Variants in LEMD1 observed in about 807,000 individuals in gnomAD.
LEMD1 encodes LEM domain-containing protein 1.
Under a neutral mutation model 17.4 loss-of-function variants are expected in LEMD1, and 18 were observed. The observed-to-expected ratio is 1.04, with a 90% CI of 0.72 to 1.54. The LOEUF (loss-of-function observed/expected upper bound fraction) is 1.54. Ranked by LOEUF, LEMD1 falls within the 40% of genes most tolerant of loss-of-function variation. LEMD1 has a pLI of 0.00. For missense variants in LEMD1, 195 were observed against 210.4 expected (o/e 0.93, Z 0.45); for synonymous variants, 88 against 77.8 (o/e 1.13, Z -0.69).
At chr1:205,401,236 G>T (rs1010503646) in intron 4 of LEMD1, among the ~76,000 whole-genome samples, 1 of 151,574 alleles carries the variant, frequency 6.6e-6, no homozygotes, top group African/African-American at 2.4e-5. Context: ...TGGGTCAAAT[G>T]GTATTTCTAG....
intron 4 of LEMD1, among the ~76,000 whole-genome samples, chr1:205,411,781 G>A (rs74141209): frequency 0.04 from 6,152 of 152,256 alleles, 256 homozygotes; most frequent in African/African-American, 0.1. Flanking sequence ...GTGCAGGATG[G>A]GTGGGAAGAT....
At chr1:205,430,088 C>T (rs1468877664) in intron 1 of LEMD1, among the ~76,000 whole-genome samples, 1 of 152,240 alleles carries the variant, frequency 6.6e-6, no homozygotes, top group African/African-American at 2.4e-5. Flanking sequence ...CCCACTGCCC[C>T]TGAGAGAGCA....
chr1:205,411,709 G>GAAAGAAAGAGAAAGAAAGA (rs1665461090), intron 4 of LEMD1, among the ~76,000 whole-genome samples: 1 of 151,948 alleles, frequency 6.6e-6, no homozygotes, highest in South Asian at 2.1e-4. Context: ...AAGGAAGAAA[G>GAAAGAAAGAGAAAGAAAGA]AAAGAAAGAG....
At chr1:205,382,046 G>A in intron 5 of LEMD1, 190 bp from the exon 6 acceptor site, 1 of 598,928 alleles carries the variant, frequency 1.7e-6, no homozygotes, top group South Asian at 2.0e-5. Flanking sequence ...CTGTTGTCCA[G>A]GCTGGAGTGC....
chr1:205,448,396 G>C lies in LEMD1; in HGVS notation c.-39+1472C>G, dbSNP rs758808158. 1 of 534,378 alleles carries C rather than the reference G, an allele frequency of 1.9e-6. No homozygotes were observed. Among genetic ancestry groups the C allele is most frequent in the Non-Finnish European group, 3.8e-6 (1 of 259,966 alleles). 33.1% of individuals were successfully genotyped at this position (534,378 alleles called of 1,614,324 possible). ...ATGAAAAGCCATAGGCCACAGCAGA[G>C]TGGAGGGGTCCAGCGGCAGGAATCT... is the stretch of plus-strand genomic sequence containing the variant. On this transcript the variant is annotated intron_variant, in intron 1 of 3. Coordinates refer to the LEMD1 transcript ENST00000367154. This position sits in a 1 kb window ranked among gnomAD's most constrained non-coding sequence, Gnocchi z 4.7.
chr1:205,446,221 T>G (rs547517383), intron 1 of LEMD1, among the ~76,000 whole-genome samples: 3 of 152,350 alleles, frequency 2.0e-5, no homozygotes. Context: ...CCTGTCCCAT[T>G]GGCAGTAGCC....
In LEMD1 at chr1:205,381,627, C is replaced by G. The variant is rs575343940; in HGVS notation, c.*31G>C. The G allele has an allele frequency of 1.2e-6, 2 of 1,607,474 alleles. No homozygotes were observed. The highest frequency in any genetic ancestry group is 1.7e-6 in the Non-Finnish European group (2 of 1,173,956). On this transcript the variant is annotated 3_prime_UTR_variant, in exon 6 of 6. Coordinates refer to ENST00000367153, the MANE Select transcript of LEMD1 (RefSeq NM_001199050.2). ...GGTTCTTTCCTGAAGCAGGAGGCCT[C>G]GCTTGGAGCATTGCTTTGCTCCTAA...
intron 4 of LEMD1, among the ~76,000 whole-genome samples, chr1:205,405,472 A>C (rs9729422): frequency 0.23 from 28,130 of 123,494 alleles, 3,808 homozygotes; most frequent in African/African-American, 0.28. Context: ...TCACTGATAC[A>C]CTTTCTTCCA....
chr1:205,415,901 A>G (rs994554408), intron 4 of LEMD1, among the ~76,000 whole-genome samples: 2 of 152,198 alleles, frequency 1.3e-5, no homozygotes, highest in African/African-American at 4.8e-5. Flanking sequence ...TTCTATGTTC[A>G]CTGTGGGCCC....
chr1:205,395,999 G>C (rs1006121884), intron 4 of LEMD1, among the ~76,000 whole-genome samples: 1 of 151,760 alleles, frequency 6.6e-6, no homozygotes, highest in Non-Finnish European at 1.5e-5. Context: ...AGAAGATTTA[G>C]AACAATGGAG....
intron 5 of LEMD1, 92 bp from the exon 6 acceptor site, chr1:205,381,948 G>T: frequency 1.6e-6 from 2 of 1,240,270 alleles, no homozygotes; most frequent in East Asian, 2.3e-5. Context: ...GCCCAAGGGT[G>T]CAGTCATGGT....
At chr1:205,431,039 C>CCT (rs1418108613) in intron 1 of LEMD1, among the ~76,000 whole-genome samples, 1 of 152,146 alleles carries the variant, frequency 6.6e-6, no homozygotes, top group Non-Finnish European at 1.5e-5. Context: ...GAGACTTGTC[C>CCT]TAGAGAGCCC....
Position 205,411,653 on chromosome 1 carries a change from GGAAAGAAAGAAAGAAAGAAAA to G in LEMD1, c.270+4558_270+4578del, listed in dbSNP as rs1558728467. ...AGGAAGGAAGGAAAAGAGAAAGAAA[GGAAAGAAAGAAAGAAAGAAAA>G]GAAAGAAAGAAAGAAAGAAAGAAAA... On this transcript the variant is annotated intron_variant, in intron 4 of 5. Transcript: ENST00000367153. Among the ~76,000 whole-genome samples, 4 of 138,544 alleles carry G rather than the reference GGAAAGAAAGAAAGAAAGAAAA, an allele frequency of 2.9e-5. No homozygotes were observed. In the East Asian group the frequency reaches 6.5e-4, roughly 23 times the overall value. The allele number at this position is 138,544 out of a possible 152,430, so 90.9% of individuals were successfully genotyped here.
rs897505507 is a variant in LEMD1, at chr1:205,449,645, A to G, written c.-39+223T>C. ...CCTCCACACACTCCAGACATGCCCA[A>G]CCTTCAGGGCCAAACAACCAGGCAT... On this transcript the variant is annotated intron_variant, in intron 1 of 3. Coordinates refer to the LEMD1 transcript ENST00000367154. 5.9e-5 allele frequency among the ~76,000 whole-genome samples: 9 copies of G among 151,998 alleles called. 1 individual carries two copies. Among genetic ancestry groups the G allele is most frequent in the African/African-American group, 2.2e-4 (9 of 41,386 alleles).
At chr1:205,402,295 G>T (rs1056048709) in intron 4 of LEMD1, among the ~76,000 whole-genome samples, 1 of 152,164 alleles carries the variant, frequency 6.6e-6, no homozygotes, top group African/African-American at 2.4e-5. Flanking sequence ...ACCTTGAGCA[G>T]TATGGCCATT....
At chr1:205,399,564 A>G (rs1664742465) in intron 4 of LEMD1, among the ~76,000 whole-genome samples, 1 of 152,212 alleles carries the variant, frequency 6.6e-6, no homozygotes, top group African/African-American at 2.4e-5. Flanking sequence ...CATCTTGTGA[A>G]AGGAATCAAG....
intron 4 of LEMD1, among the ~76,000 whole-genome samples, chr1:205,395,594 CAAAA>C (rs11365761): frequency 7.7e-6 from 1 of 129,228 alleles, no homozygotes; most frequent in Non-Finnish European, 1.7e-5. Context: ...AATTCTGTCT[CAAAA>C]AAAAAAAAAA....
At chr1:205,443,445 A>G (rs1329509590) in intron 1 of LEMD1, among the ~76,000 whole-genome samples, 3 of 152,086 alleles carry the variant, frequency 2.0e-5, no homozygotes, top group Non-Finnish European at 4.4e-5. Context: ...TTGTCACTGT[A>G]GGGAAGGATG....
chr1:205,399,298 T>G (rs371163092), intron 4 of LEMD1, among the ~76,000 whole-genome samples: 41 of 152,122 alleles, frequency 2.7e-4, no homozygotes, highest in African/African-American at 9.4e-4. Context: ...ATGGAATCAC[T>G]GTCAGATAAG....
Sources: allele counts gnomAD v4.1 joint callset (sites outside exome capture counted in the v4.1 genomes callset), GRCh38; gene constraint gnomAD v4.1.1; non-coding constraint Gnocchi (gnomAD v3.1); transcripts MANE v1.5; gene names NCBI Gene and HGNC (gene_info 2026-07-23, HGNC 2026-07-21).